NCOR2: variants seen among roughly 807,000 people sequenced by gnomAD.
NCOR2 encodes the protein CTG repeat protein 26.
A neutral mutation model predicts 262.9 loss-of-function variants in NCOR2; 81 were observed. The ratio of observed to expected loss-of-function variants is 0.31; its 90% confidence interval spans 0.26 to 0.37. NCOR2 has a LOEUF of 0.37. Among genes scored for constraint, NCOR2 ranks in the 10% least tolerant of loss-of-function variants. NCOR2 has a pLI of 1.00. For synonymous variants in NCOR2, 1,659 were observed against 1,559.3 expected, an observed-to-expected ratio of 1.06 and a Z score of -1.51; for missense variants, 3,385 against 3,621.4, an observed-to-expected ratio of 0.93 and a Z score of 1.68.
At chr12:124,442,311 T>C (rs1055965337) in intron 7 of NCOR2, among the ~76,000 whole-genome samples, 2 of 152,142 alleles carry the variant, frequency 1.3e-5, no homozygotes, top group African/African-American at 4.8e-5. Flanking sequence ...ACTTGGCTAA[T>C]TTATTTTTTG....
intron 11 of NCOR2, among the ~76,000 whole-genome samples, chr12:124,423,691 T>A (rs2043356209): frequency 6.6e-6 from 1 of 152,008 alleles, no homozygotes; most frequent in African/African-American, 2.4e-5. Flanking sequence ...TCCCACGGGG[T>A]TTCCCCAGGC....
chr12:124,488,567 A>G (rs2047905637), intron 1 of NCOR2, among the ~76,000 whole-genome samples: 1 of 152,186 alleles, frequency 6.6e-6, no homozygotes, highest in African/African-American at 2.4e-5. Context: ...TGCATCCCAC[A>G]GTGTCTAGCA....
intron 7 of NCOR2, among the ~76,000 whole-genome samples, chr12:124,441,433 A>G (rs527968303): frequency 3.9e-5 from 6 of 152,318 alleles, no homozygotes; most frequent in African/African-American, 1.4e-4. Flanking sequence ...GATTCAATAC[A>G]TCAATACATG....
chr12:124,515,940 G>A lies in NCOR2; in HGVS notation c.-118+19625C>T, dbSNP rs150637577. ...ACCTCACCCAGGACTCTTCTCCACC[G>A]GGTAGGAAAATCGAGTCCCTGAGGA... On this transcript the variant is annotated intron_variant, in intron 1 of 46. Transcript: ENST00000404621. 3.0e-3 allele frequency among the ~76,000 whole-genome samples: 451 copies of A among 152,318 alleles called. 3 individuals are homozygous for A. Among genetic ancestry groups the A allele is most frequent in the African/African-American group, 0.01 (427 of 41,568 alleles).
chr12:124,426,840 G>A (rs777189782), intron 10 of NCOR2, 40 bp from the exon 13 acceptor site: 57 of 1,517,698 alleles, frequency 3.8e-5, no homozygotes, highest in African/African-American at 2.2e-4. Flanking sequence ...GCCCAGGGAC[G>A]AGGTGCTCCG....
intron 33 of NCOR2, among the ~76,000 whole-genome samples, chr12:124,342,433 G>C (rs1345071826): frequency 6.6e-6 from 1 of 151,956 alleles, no homozygotes; most frequent in Non-Finnish European, 1.5e-5. Flanking sequence ...GCAGTGGCGC[G>C]ATCTTGGCTC....
exon 10 of NCOR2, chr12:124,429,700 C>T (rs2043802318): frequency 6.2e-7 from 1 of 1,602,550 alleles, no homozygotes; most frequent in Non-Finnish European, 8.5e-7. Context: ...CCCGCTGGCC[C>T]ACCCTGCTGG....
At chr12:124,333,331 G>A (rs1414375343) in intron 41 of NCOR2, 52 bp from the exon 44 acceptor site, 1 of 1,442,524 alleles carries the variant, frequency 6.9e-7, no homozygotes, top group Non-Finnish European at 9.2e-7. Flanking sequence ...TACTGAGGGG[G>A]CGCACCCTCC....
chr12:124,389,071 T>G lies in NCOR2; in HGVS notation c.1877-3184A>C, dbSNP rs1212394213. On this transcript the variant is annotated intron_variant, in intron 16 of 46. Transcript: ENST00000405201. The surrounding 1 kb of genome is among the most constrained non-coding windows in gnomAD (Gnocchi z 4.4). ...GCGAGGTGCCCTTCCCCGAGGGTGGTGGGTGGCGGGAAGTTGTCAGTGGTG... is the reference window on the plus strand; with the variant it reads ...GCGAGGTGCCCTTCCCCGAGGGTGGGGGGTGGCGGGAAGTTGTCAGTGGTG... 2.0e-5 allele frequency among the ~76,000 whole-genome samples: 3 copies of G among 152,014 alleles called. No homozygotes were observed. The highest frequency in any genetic ancestry group is 7.2e-5 in the African/African-American group (3 of 41,380).
At chr12:124,399,991 A>T (rs1593374308) in intron 15 of NCOR2, among the ~76,000 whole-genome samples, 2 of 152,138 alleles carry the variant, frequency 1.3e-5, no homozygotes, top group African/African-American at 4.8e-5. Context: ...CTGGGTGGGG[A>T]CAAGTAGAGC....
At chr12:124,505,810 A>C (rs1218313932) in intron 1 of NCOR2, among the ~76,000 whole-genome samples, 1 of 152,176 alleles carries the variant, frequency 6.6e-6, no homozygotes, top group Non-Finnish European at 1.5e-5. Flanking sequence ...TAACCAAGCC[A>C]GTCACTATGG....
intron 27 of NCOR2, among the ~76,000 whole-genome samples, chr12:124,352,327 A>G (rs1164987745): frequency 6.6e-6 from 1 of 152,026 alleles, no homozygotes; most frequent in Non-Finnish European, 1.5e-5. Context: ...ACTGAACACC[A>G]CAATAAATGA....
At chr12:124,342,037 G>A (rs1210732469) in exon 34 of NCOR2, 15 of 1,612,346 alleles carry the variant, frequency 9.3e-6, no homozygotes, top group South Asian at 2.2e-5. Context: ...GGTAGGTGGG[G>A]TTGGGGGCCA....
chr12:124,465,291 G>A (rs1388402287), intron 5 of NCOR2, among the ~76,000 whole-genome samples: 2 of 152,006 alleles, frequency 1.3e-5, no homozygotes, highest in Non-Finnish European at 2.9e-5. Flanking sequence ...TAAGGGAGGG[G>A]ATCAACATCC....
At position 124,515,761 on chromosome 12, in the gene NCOR2, T is replaced by C. The variant is rs866398312; in HGVS notation, c.-118+19804A>G. Among the ~76,000 whole-genome samples the C allele has an allele frequency of 3.6e-4, 55 of 152,038 alleles. 1 individual carries two copies. The highest frequency in any genetic ancestry group is 1.2e-3 in the African/African-American group (50 of 41,434). ...GTGTGCGTGTGAGTATACATGTGGG[T>C]GTGTGCGTGAGTGTGCATGTATGTG... On this transcript the variant is annotated intron_variant, in intron 1 of 46. Coordinates refer to the NCOR2 transcript ENST00000404621.
intron 41 of NCOR2, 38 bp downstream of exon 43, chr12:124,334,386 C>T (rs771844228): frequency 4.9e-5 from 72 of 1,461,866 alleles, no homozygotes; most frequent in Admixed American, 1.1e-4. Flanking sequence ...GGCCTCCCGC[C>T]GGCTGACCAG....
intron 28 of NCOR2, among the ~76,000 whole-genome samples, chr12:124,349,830 C>T (rs773997292): frequency 1.3e-5 from 2 of 152,144 alleles, no homozygotes; most frequent in Non-Finnish European, 2.9e-5. Flanking sequence ...CCAGGGCACT[C>T]GGTCCAGGGG....
At chr12:124,458,354 T>C (rs2045989335) in intron 5 of NCOR2, among the ~76,000 whole-genome samples, 1 of 151,882 alleles carries the variant, frequency 6.6e-6, no homozygotes, top group Admixed American at 6.6e-5. Context: ...TCACTCCCCC[T>C]CCCCAGCCCC....
intron 31 of NCOR2, 127 bp downstream of exon 33, chr12:124,346,437 G>T: frequency 2.9e-6 from 3 of 1,041,284 alleles, no homozygotes; most frequent in African/African-American, 1.7e-5. Context: ...ATGAGCAGCT[G>T]GGTGACTGTA....
Sources: gnomAD v4.1 joint callset for allele counts (sites outside exome capture counted in the v4.1 genomes callset) on GRCh38, gnomAD v4.1.1 for gene constraint, Gnocchi (gnomAD v3.1) non-coding constraint, MANE v1.5 for transcripts, NCBI Gene and HGNC (gene_info 2026-07-23, HGNC 2026-07-21) for gene names.